The following STIM2 variants were observed in gnomAD, a reference collection of about 807,000 sequenced individuals.
The protein encoded by STIM2 is stromal interaction molecule 2.
In STIM2, 31 loss-of-function variants were observed where a neutral mutation model predicts 85.8. The observed-to-expected ratio is 0.36, with a 90% CI of 0.27 to 0.49. The LOEUF is 0.49. STIM2 is among the 20% of genes least tolerant of loss of function. The probability of loss-of-function intolerance (pLI) is 0.98; values close to 1 mark genes in which losing one functional copy is unlikely to be tolerated. For missense variants in STIM2, 841 were observed against 927.6 expected (o/e 0.91, Z 1.21); for synonymous variants, 356 against 331.1 (o/e 1.08, Z -0.82).
chr4:26,934,913 C>CAAAAA (rs1160656482), intron 2 of STIM2, among the ~76,000 whole-genome samples: 78 of 57,430 alleles, frequency 1.4e-3, no homozygotes, highest in African/African-American at 1.8e-3. Context: ...AACTCCATCT[C>CAAAAA]AAAAAAAAAA....
intron 1 of STIM2, among the ~76,000 whole-genome samples, chr4:26,912,183 A>G (rs534542247): frequency 5.9e-5 from 9 of 152,354 alleles, no homozygotes; most frequent in Non-Finnish European, 1.2e-4. Flanking sequence ...TCTCAGTGGT[A>G]GTAATGAAGA....
chr4:26,985,418 G>A (rs1027341578), intron 3 of STIM2, among the ~76,000 whole-genome samples: 3 of 152,154 alleles, frequency 2.0e-5, no homozygotes, highest in African/African-American at 7.2e-5. Context: ...GGATTTAAAA[G>A]TAGTCAATAC....
At chr4:26,997,204 A>G (rs149518994) in intron 4 of STIM2, among the ~76,000 whole-genome samples, 52 of 152,246 alleles carry the variant, frequency 3.4e-4, no homozygotes, top group East Asian at 9.6e-4. Flanking sequence ...AGCTCTTTGT[A>G]TGGTATCTGT....
At chr4:26,973,333 G>A (rs1727042980) in intron 3 of STIM2, among the ~76,000 whole-genome samples, 1 of 151,878 alleles carries the variant, frequency 6.6e-6, no homozygotes, top group Non-Finnish European at 1.5e-5. Context: ...GTGATGTTAG[G>A]GTGTTGATTT....
intron 3 of STIM2, among the ~76,000 whole-genome samples, chr4:26,991,151 T>TTCACAATAGGCAAGATGTGGAATCAACC (rs1328433206): frequency 6.6e-6 from 1 of 152,136 alleles, no homozygotes; most frequent in Admixed American, 6.6e-5. Flanking sequence ...TGCAGCACTA[T>TTCACAATAGGCAAGATGTGGAATCAACC]TCACAATAGG....
At chr4:27,021,035 T>A in intron 11 of STIM2, 1 of 1,536,910 alleles carries the variant, frequency 6.5e-7, no homozygotes, top group Non-Finnish European at 8.7e-7. Flanking sequence ...CAAAAGTGAA[T>A]GAGACTAAGT....
intron 1 of STIM2, among the ~76,000 whole-genome samples, chr4:26,863,184 A>G (rs971471948): frequency 6.6e-6 from 1 of 152,206 alleles, no homozygotes; most frequent in Middle Eastern, 3.4e-3. Flanking sequence ...GGCATGGGGG[A>G]AAAAGGTGAT....
At chr4:26,907,131 CTT>C (rs1451983810) in intron 1 of STIM2, among the ~76,000 whole-genome samples, 1 of 152,052 alleles carries the variant, frequency 6.6e-6, no homozygotes, top group Non-Finnish European at 1.5e-5. Context: ...GCAATATTAA[CTT>C]ATATGCATAT....
At chr4:26,900,305 A>T (rs1434218693) in intron 1 of STIM2, among the ~76,000 whole-genome samples, 3 of 152,184 alleles carry the variant, frequency 2.0e-5, no homozygotes, top group Non-Finnish European at 4.4e-5. Flanking sequence ...AGAAGCTTTG[A>T]CTTTAGCAGG....
intron 5 of STIM2, among the ~76,000 whole-genome samples, chr4:27,001,711 C>T (rs1298384437): frequency 1.3e-5 from 2 of 152,170 alleles, no homozygotes; most frequent in Non-Finnish European, 2.9e-5. Context: ...TATCACCAGC[C>T]TTGAGAACCA....
intron 1 of STIM2, among the ~76,000 whole-genome samples, chr4:26,883,986 G>A (rs920394681): frequency 4.6e-5 from 7 of 152,150 alleles, no homozygotes; most frequent in South Asian, 2.1e-4. Context: ...TGATTAATAC[G>A]TCACAAATGG....
At chr4:26,894,957 A>G (rs1472560863) in intron 1 of STIM2, among the ~76,000 whole-genome samples, 1 of 152,244 alleles carries the variant, frequency 6.6e-6, no homozygotes, top group Admixed American at 6.5e-5. Context: ...CACATCTGTA[A>G]TGCCAGCACT....
At chr4:26,960,547 T>A (rs1338567766) in intron 3 of STIM2, among the ~76,000 whole-genome samples, 3 of 152,216 alleles carry the variant, frequency 2.0e-5, no homozygotes, top group Non-Finnish European at 4.4e-5. Context: ...GTTGAATGAA[T>A]GAAAGAGTAA....
intron 1 of STIM2, among the ~76,000 whole-genome samples, chr4:26,866,378 C>T (rs566335352): frequency 6.6e-6 from 1 of 152,246 alleles, no homozygotes; most frequent in South Asian, 2.1e-4. Flanking sequence ...CATCCTTATA[C>T]AAACAACATG....
chr4:27,002,543 A>G, intron 6 of STIM2, 149 bp downstream of exon 6: 1 of 570,632 alleles, frequency 1.8e-6, no homozygotes. Flanking sequence ...AGAAAAGTAT[A>G]CTTTTATAAT....
intron 1 of STIM2, among the ~76,000 whole-genome samples, chr4:26,883,648 A>C (rs1057122875): frequency 2.0e-5 from 3 of 152,210 alleles, no homozygotes; most frequent in Non-Finnish European, 4.4e-5. Flanking sequence ...CTGCAGTAAA[A>C]ATAGAATTGT....
At chr4:27,004,060 A>G (rs555242988) in intron 7 of STIM2, among the ~76,000 whole-genome samples, 26 of 152,354 alleles carry the variant, frequency 1.7e-4, no homozygotes. Flanking sequence ...ACTTTGTTTT[A>G]TGCGCTGTTG....
chr4:26,887,183 C>CTTTTTTTTTTTTTTTTTTTTTT (rs34736602), intron 1 of STIM2, among the ~76,000 whole-genome samples: 2 of 70,942 alleles, frequency 2.8e-5, no homozygotes, highest in Non-Finnish European at 2.6e-5. Context: ...AATAATTAAA[C>CTTTTTTTTTTTTTTTTTTTTTT]TTTTTTTTTT....
At chr4:26,892,413 C>T (rs1441515264) in intron 1 of STIM2, among the ~76,000 whole-genome samples, 5 of 152,134 alleles carry the variant, frequency 3.3e-5, no homozygotes, top group Non-Finnish European at 5.9e-5. Context: ...GCTCCTGTTT[C>T]ATAAGAGCAC....
Sources: allele counts gnomAD v4.1 joint callset (sites outside exome capture counted in the v4.1 genomes callset), GRCh38; gene constraint gnomAD v4.1.1; transcripts MANE v1.5; gene names NCBI Gene and HGNC (gene_info 2026-07-23, HGNC 2026-07-21).